Variants in RILPL1 observed in about 807,000 individuals in gnomAD.
RILPL1 encodes RILP-like protein 1.
In RILPL1, 33 loss-of-function variants were observed where a neutral mutation model predicts 50.3. That is an observed-to-expected ratio of 0.66 (90% CI 0.50 to 0.88). The LOEUF is 0.88. Among genes scored for constraint, RILPL1 ranks in the 40% least tolerant of loss-of-function variants. RILPL1 has a pLI of 0.00. For missense variants in RILPL1, 418 were observed against 542.5 expected (o/e 0.77, Z 2.28); for synonymous variants, 205 against 228.6 (o/e 0.90, Z 0.93).
chr12:123,528,933 G>A (rs906380765), intron 1 of RILPL1, among the ~76,000 whole-genome samples: 2 of 151,920 alleles, frequency 1.3e-5, no homozygotes, highest in Admixed American at 6.6e-5. Context: ...TCTCCTTCAC[G>A]TTCTTCCCTC....
intron 2 of RILPL1, among the ~76,000 whole-genome samples, chr12:123,510,162 C>T (rs1207950765): frequency 2.6e-5 from 4 of 152,252 alleles, no homozygotes; most frequent in African/African-American, 9.6e-5. Context: ...GAAGTGGACC[C>T]TCTCCCCGTC....
At chr12:123,509,777 T>C (rs1036967682) in intron 2 of RILPL1, among the ~76,000 whole-genome samples, 2 of 152,190 alleles carry the variant, frequency 1.3e-5, no homozygotes, top group African/African-American at 4.8e-5. Context: ...CCCACCCTCA[T>C]GCACACAGTA....
At chr12:123,500,484 C>T (rs1883309565) in intron 2 of RILPL1, among the ~76,000 whole-genome samples, 1 of 150,614 alleles carries the variant, frequency 6.6e-6, no homozygotes, top group Non-Finnish European at 1.5e-5. Context: ...AGGGTTTTGC[C>T]ATGTTGACCA....
intron 6 of RILPL1, chr12:123,475,342 G>A (rs1216040074): frequency 1.4e-5 from 5 of 349,052 alleles, no homozygotes; most frequent in South Asian, 3.5e-5. Flanking sequence ...CTCGGGGACC[G>A]CAGTGGGCGT....
intron 2 of RILPL1, among the ~76,000 whole-genome samples, chr12:123,510,788 ATGTG>A (rs1243978869): frequency 1.5e-5 from 1 of 67,414 alleles, no homozygotes; most frequent in Non-Finnish European, 2.8e-5. Context: ...TGTGTGGTAT[ATGTG>A]TGTGATGTGT....
chr12:123,475,897 A>ATTT (rs375190049), intron 6 of RILPL1: 59 of 393,054 alleles, frequency 1.5e-4, no homozygotes, highest in Non-Finnish European at 2.0e-4. Context: ...TTCACTTAAA[A>ATTT]TTTTTTTTTT....
Position 123,476,735 on chromosome 12 carries a change from T to C in RILPL1, c.1068-4053A>G, listed in dbSNP as rs372039683. On this transcript the variant is annotated intron_variant, in intron 6 of 6. Transcript: ENST00000376874. ...CCCTGCTGACGCCTTTATCGTGGCC[T>C]TCTGGCCTCCGGAAGTGGGAGACAA... is the stretch of plus-strand genomic sequence containing the variant. Among the ~76,000 whole-genome samples, 3 of 152,300 alleles carry C rather than the reference T, an allele frequency of 2.0e-5. No individual in the cohort carries two copies. In the East Asian group the frequency reaches 5.8e-4, roughly 29 times the overall value.
chr12:123,513,841 C>G (rs1884533063), intron 2 of RILPL1: 1 of 152,174 alleles, frequency 6.6e-6, no homozygotes. Flanking sequence ...TTAAGAGACA[C>G]TTGGGCAGGG....
rs190020199 is a variant in RILPL1 at position 123,498,970 on chromosome 12, G to A, written c.580-205C>T. Reference sequence around the variant, plus strand: ...ATAATTTTATGGCAGATGGAAGGGTGTCTTGCTAGAATTAATACATTATGA... The same window carrying A: ...ATAATTTTATGGCAGATGGAAGGGTATCTTGCTAGAATTAATACATTATGA... On this transcript the variant is annotated intron_variant, in intron 3 of 6. Coordinates refer to ENST00000376874, the MANE Select transcript of RILPL1 (RefSeq NM_178314.5). The surrounding 1 kb of genome is among the most constrained non-coding windows in gnomAD (Gnocchi z 4.3). Among the ~76,000 whole-genome samples the A allele has an allele frequency of 6.6e-6, 1 of 152,320 alleles. No individual in the cohort carries two copies. The highest frequency in any genetic ancestry group is 1.9e-4 in the East Asian group (1 of 5,186).
chr12:123,485,695 G>A lies in RILPL1; in HGVS notation c.912C>T (p.His304=), dbSNP rs1476083366. 86 of 1,613,556 alleles carry A rather than the reference G, an allele frequency of 5.3e-5. No individual in the cohort carries two copies. Among genetic ancestry groups the A allele is most frequent in the Non-Finnish European group, 6.8e-5 (80 of 1,179,788 alleles). Residue 304 remains histidine, a synonymous_variant, in exon 5 of 7, where the codon CAC becomes CAT. Coordinates refer to ENST00000376874, the MANE Select transcript of RILPL1 (RefSeq NM_178314.5). This position sits in a 1 kb window ranked among gnomAD's most constrained non-coding sequence, Gnocchi z 4.0. ...FTLQELRDVL[H]ERNELKSKVF... Reference sequence around the variant, plus strand: ...CCTTGGACTTGAGCTCGTTCCTCTCGTGCAGCACGTCCCGCAGCTCCTGCA... The same window carrying A: ...CCTTGGACTTGAGCTCGTTCCTCTCATGCAGCACGTCCCGCAGCTCCTGCA...
chr12:123,486,940 A>T (rs1167603537), intron 4 of RILPL1, among the ~76,000 whole-genome samples: 1 of 152,120 alleles, frequency 6.6e-6, no homozygotes, highest in African/African-American at 2.4e-5. Flanking sequence ...CTGGGATTAC[A>T]GGCGCCTGCC....
intron 6 of RILPL1, chr12:123,474,354 TC>T (rs1881438605): frequency 6.6e-6 from 1 of 152,224 alleles, no homozygotes; most frequent in South Asian, 2.1e-4. Flanking sequence ...GTCACCAAGT[TC>T]TACTCTTTTT....
At chr12:123,516,786 C>T (rs59188352) in intron 2 of RILPL1, among the ~76,000 whole-genome samples, 11,674 of 152,170 alleles carry the variant, frequency 0.077, 1,416 homozygotes, top group African/African-American at 0.26. Flanking sequence ...GGAAGTTGAG[C>T]GCTATGCCTC....
Position 123,495,444 on chromosome 12 carries a change from G to A in RILPL1, c.801+3100C>T, listed in dbSNP as rs574357722. Among the ~76,000 whole-genome samples, 233 of 143,438 alleles carry A rather than the reference G, an allele frequency of 1.6e-3. 2 individuals carry two copies. Among genetic ancestry groups the A allele is most frequent in the African/African-American group, 5.6e-3 (214 of 38,328 alleles). The allele number at this position is 143,438 out of a possible 152,430, so 94.1% of individuals were successfully genotyped here. On this transcript the variant is annotated intron_variant, in intron 4 of 6. Coordinates refer to ENST00000376874, the MANE Select transcript of RILPL1 (RefSeq NM_178314.5). ...GGCTGGAGTGCAGTGGTGCGATCTC[G>A]GCTCACTGCAAGCTTCGCCTCCTGG...
intron 2 of RILPL1, among the ~76,000 whole-genome samples, chr12:123,511,364 TGTCTGTGTGAG>T (rs1447075327): frequency 7.4e-6 from 1 of 135,202 alleles, no homozygotes; most frequent in Non-Finnish European, 1.6e-5. Context: ...CTGTGTGTGG[TGTCTGTGTGAG>T]GTCTGTGTGT....
chr12:123,481,559 CT>C (rs113872165), intron 6 of RILPL1, among the ~76,000 whole-genome samples: 266 of 141,762 alleles, frequency 1.9e-3, no homozygotes, highest in African/African-American at 1.7e-3. Context: ...AATTTGTTTT[CT>C]TTTTTTTTTT....
intron 2 of RILPL1, among the ~76,000 whole-genome samples, chr12:123,502,911 A>G (rs1383449135): frequency 6.6e-6 from 1 of 151,998 alleles, no homozygotes; most frequent in African/African-American, 2.4e-5. Flanking sequence ...TTTTTGAGAC[A>G]GAGTCTCACT....
intron 2 of RILPL1, among the ~76,000 whole-genome samples, chr12:123,503,064 T>C (rs531420387): frequency 3.3e-5 from 5 of 151,950 alleles, no homozygotes; most frequent in Admixed American, 2.0e-4. Flanking sequence ...ATTTTTTGTA[T>C]TTTTAGGAGA....
intron 2 of RILPL1, among the ~76,000 whole-genome samples, chr12:123,505,127 A>G (rs901012123): frequency 6.6e-6 from 1 of 151,926 alleles, no homozygotes; most frequent in Non-Finnish European, 1.5e-5. Flanking sequence ...TGCAACCTCT[A>G]CCTCCTCAGT....
Sources: allele counts gnomAD v4.1 joint callset (sites outside exome capture counted in the v4.1 genomes callset), GRCh38; gene constraint gnomAD v4.1.1; non-coding constraint Gnocchi (gnomAD v3.1); transcripts MANE v1.5; gene names NCBI Gene and HGNC (gene_info 2026-07-23, HGNC 2026-07-21).